STK32B: variants seen among roughly 807,000 people sequenced by gnomAD.
The protein encoded by STK32B is serine/threonine kinase 32B, also known as serine/threonine-protein kinase 32B.
Under a neutral mutation model 52.6 loss-of-function variants are expected in STK32B, and 43 were observed. The observed-to-expected ratio is 0.82, with a 90% CI of 0.64 to 1.05. STK32B has a LOEUF of 1.05. Ranked by LOEUF, STK32B falls within the 50% of genes least tolerant of loss-of-function variation. The pLI is 0.00. For synonymous variants in STK32B, 238 were observed against 204.3 expected (o/e 1.17, Z -1.41); for missense variants, 621 against 534.6 (o/e 1.16, Z -1.59).
At chr4:5,350,817 C>T (rs1733776610) in intron 4 of STK32B, among the ~76,000 whole-genome samples, 1 of 151,626 alleles carries the variant, frequency 6.6e-6, no homozygotes, top group Admixed American at 6.6e-5. Flanking sequence ...CAAAGAAAAA[C>T]CAAAAATAAG....
At chr4:5,444,525 C>G (rs964188912) in intron 6 of STK32B, among the ~76,000 whole-genome samples, 2 of 152,180 alleles carry the variant, frequency 1.3e-5, no homozygotes, top group African/African-American at 4.8e-5. Context: ...GAGATGAACC[C>G]GGTACCTCAG....
rs140353464 is a variant in STK32B at position 5,377,624 on chromosome 4, G to C, written c.435-20583G>C. ...AAATTGTCATCCCCATAATCCCCAC[G>C]TGTCAAGGGAGGACCCAGGTAGGAG... On this transcript the variant is annotated intron_variant, in intron 4 of 11. Transcript: ENST00000282908. 5.8e-3 allele frequency among the ~76,000 whole-genome samples: 887 copies of C among 152,252 alleles called. 10 individuals carry two copies. The highest frequency in any genetic ancestry group is 0.019 in the African/African-American group (808 of 41,548).
intron 3 of STK32B, among the ~76,000 whole-genome samples, chr4:5,241,766 G>T: frequency 6.6e-6 from 1 of 151,804 alleles, no homozygotes; most frequent in East Asian, 1.9e-4. Context: ...GTGATGTTCC[G>T]CTTCCTGTGT....
chr4:5,046,562 T>C (rs1225965955), upstream of STK32B, among the ~76,000 whole-genome samples: 2 of 152,078 alleles, frequency 1.3e-5, no homozygotes, highest in Non-Finnish European at 2.9e-5. Context: ...ACCTACAGAA[T>C]AGGAGAACAT....
chr4:5,475,161 C>T (rs1047615522), intron 11 of STK32B, among the ~76,000 whole-genome samples: 23 of 152,122 alleles, frequency 1.5e-4, no homozygotes, highest in African/African-American at 5.6e-4. Context: ...GTGGCTCACA[C>T]CTGTAATCCT....
At chr4:5,201,352 C>A (rs1382670835) in intron 3 of STK32B, among the ~76,000 whole-genome samples, 1 of 152,168 alleles carries the variant, frequency 6.6e-6, no homozygotes, top group Non-Finnish European at 1.5e-5. Flanking sequence ...CTGCAGGTTT[C>A]CATGGGGCCG....
chr4:5,150,674 GCTCCACTTGGATTT>G (rs1471488677), intron 2 of STK32B, among the ~76,000 whole-genome samples: 80 of 151,980 alleles, frequency 5.3e-4, no homozygotes, highest in African/African-American at 1.7e-3. Flanking sequence ...CACATTTGAG[GCTCCACTTGGATTT>G]CTCCTCTTGG....
intron 1 of STK32B, among the ~76,000 whole-genome samples, chr4:5,097,945 G>A (rs919814235): frequency 2.6e-5 from 4 of 152,202 alleles, no homozygotes; most frequent in African/African-American, 9.6e-5. Flanking sequence ...TCCTGTCTCT[G>A]CAGTCAGCTG....
In STK32B at chr4:5,467,373, G is replaced by A. The variant is rs1012118233; in HGVS notation, c.1041+539G>A. Among the ~76,000 whole-genome samples, 2 of 152,138 alleles carry A rather than the reference G, an allele frequency of 1.3e-5. No individual in the cohort carries two copies. On this transcript the variant is annotated intron_variant, in intron 10 of 11. Transcript: ENST00000282908. This position sits in a 1 kb window ranked among gnomAD's most constrained non-coding sequence, Gnocchi z 5.8. ...GCTTCGAGTGGCGGCCGGCCCCCTT[G>A]TCCTTCGCTGGCTCGCAGCTGCATG...
intron 1 of STK32B, among the ~76,000 whole-genome samples, chr4:5,095,612 C>T (rs765978350): frequency 2.0e-5 from 3 of 152,154 alleles, no homozygotes; most frequent in Non-Finnish European, 4.4e-5. Flanking sequence ...TTGACTTGGT[C>T]TGAAAAACCA....
chr4:5,140,209 C>A, intron 2 of STK32B: 2 of 1,487,494 alleles, frequency 1.3e-6, no homozygotes, highest in East Asian at 2.7e-5. Flanking sequence ...TTGCCAATGC[C>A]GTTTGTTCCT....
At position 5,416,942 on chromosome 4, in the gene STK32B, T is replaced by TTATGCCTAGATAA. The variant is rs745404670; in HGVS notation, c.562+9_562+10insATGCCTAGATAAT. ...GCACCAAGCCCTACATGGGTGAGTG[T>TTATGCCTAGATAA]TCCAGGCCCCTTCTTTTCATGTGAT... On this transcript the variant is annotated intron_variant, in intron 6 of 11. Transcript: ENST00000282908. 1 of 1,609,040 alleles carries TTATGCCTAGATAA rather than the reference T, an allele frequency of 6.2e-7. No homozygotes were observed. Among genetic ancestry groups the TTATGCCTAGATAA allele is most frequent in the Non-Finnish European group, 8.5e-7 (1 of 1,177,662 alleles).
chr4:5,350,606 T>C (rs563809775), intron 4 of STK32B, among the ~76,000 whole-genome samples: 1 of 152,060 alleles, frequency 6.6e-6, no homozygotes, highest in African/African-American at 2.4e-5. Context: ...TAGAAATCAA[T>C]TAATTAAATG....
intron 2 of STK32B, among the ~76,000 whole-genome samples, chr4:5,155,465 A>C (rs1280765250): frequency 1.3e-5 from 2 of 152,176 alleles, no homozygotes; most frequent in African/African-American, 4.8e-5. Flanking sequence ...ATATATGTAC[A>C]TATACCTACC....
rs562983401 is a variant in STK32B at position 5,363,320 on chromosome 4, A to G, written c.434+31927A>G. Reference sequence around the variant, plus strand: ...TATTATTTCGCTTTGGCTATATTTTATGATTCCACTTTTTTTAGAGGTGTA... The same window carrying G: ...TATTATTTCGCTTTGGCTATATTTTGTGATTCCACTTTTTTTAGAGGTGTA... On this transcript the variant is annotated intron_variant, in intron 4 of 11. Transcript: ENST00000282908. 3.9e-5 allele frequency among the ~76,000 whole-genome samples: 6 copies of G among 152,330 alleles called. No individual in the cohort carries two copies. In the South Asian group the frequency reaches 1.2e-3, roughly 32 times the overall value.
chr4:5,355,257 C>A (rs1239335578), intron 4 of STK32B, among the ~76,000 whole-genome samples: 1 of 152,106 alleles, frequency 6.6e-6, no homozygotes, highest in African/African-American at 2.4e-5. Flanking sequence ...TGTGAAAATG[C>A]CCACTGCTAT....
chr4:5,419,333 G>C (rs1049691746), intron 6 of STK32B, among the ~76,000 whole-genome samples: 4 of 152,046 alleles, frequency 2.6e-5, no homozygotes, highest in Non-Finnish European at 4.4e-5. Context: ...TCTTTCCTTT[G>C]TCTGTAGGGT....
At chr4:5,418,607 G>A (rs907325371) in intron 6 of STK32B, among the ~76,000 whole-genome samples, 8 of 152,152 alleles carry the variant, frequency 5.3e-5, no homozygotes, top group Non-Finnish European at 8.8e-5. Context: ...ATTTATAGGC[G>A]GTACCTAACC....
intron 3 of STK32B, among the ~76,000 whole-genome samples, chr4:5,185,150 G>A (rs758247536): frequency 1.4e-4 from 21 of 152,132 alleles, no homozygotes; most frequent in South Asian, 1.2e-3. Flanking sequence ...TCATGTGTTC[G>A]GACTGCATTT....
Sources: allele counts gnomAD v4.1 joint callset (sites outside exome capture counted in the v4.1 genomes callset), GRCh38; gene constraint gnomAD v4.1.1; non-coding constraint Gnocchi (gnomAD v3.1); transcripts MANE v1.5; gene names NCBI Gene and HGNC (gene_info 2026-07-23, HGNC 2026-07-21).